SLC2A13: variants seen among roughly 807,000 people sequenced by gnomAD.
The protein encoded by SLC2A13 is solute carrier family 2 member 13.
SLC2A13 carries 32 observed loss-of-function variants against 64.4 expected under a neutral mutation model. That is an observed-to-expected ratio of 0.50 (90% CI 0.37 to 0.67). The LOEUF is 0.67. Ranked by LOEUF, SLC2A13 falls within the 30% of genes least tolerant of loss-of-function variation. The pLI is 0.00. For missense variants in SLC2A13, 743 were observed against 829.2 expected (o/e 0.90, Z 1.28); for synonymous variants, 338 against 327.1 (o/e 1.03, Z -0.36).
chr12:40,056,449 C>T (rs565905509), intron 1 of SLC2A13, among the ~76,000 whole-genome samples: 32 of 152,230 alleles, frequency 2.1e-4, no homozygotes, highest in Admixed American at 5.2e-4. Flanking sequence ...GTATGAAGTG[C>T]TACATAAGCA....
chr12:40,100,016 T>C lies in SLC2A13; in HGVS notation c.556+5237A>G, dbSNP rs190033630. Among the ~76,000 whole-genome samples, 28 of 152,350 alleles carry C rather than the reference T, an allele frequency of 1.8e-4. No individual in the cohort carries two copies. In the East Asian group the frequency reaches 2.9e-3, roughly 16 times the overall value. On this transcript the variant is annotated intron_variant, in intron 1 of 9. Transcript: ENST00000280871. ...CCTTAAATGACATTCTTTGTTGACA[T>C]TGATCTCAACATTGCATTTTTTTGA...
intron 4 of SLC2A13, among the ~76,000 whole-genome samples, chr12:39,939,395 A>C (rs1481946989): frequency 6.6e-6 from 1 of 152,186 alleles, no homozygotes; most frequent in African/African-American, 2.4e-5. Flanking sequence ...GTTTGCTAGG[A>C]TAGTGAGTTA....
At position 40,093,895 on chromosome 12, in the gene SLC2A13, C is replaced by A. The variant is rs1938847666; in HGVS notation, c.556+11358G>T. On this transcript the variant is annotated intron_variant, in intron 1 of 9. Coordinates refer to ENST00000280871, the MANE Select transcript of SLC2A13 (RefSeq NM_052885.4). ...TGGGGAGCTAATCAGGGGCTTTGGG[C>A]AGAGAAGTGGCATAGTCTGATTTAT... Among the ~76,000 whole-genome samples, 5 of 152,074 alleles carry A rather than the reference C, an allele frequency of 3.3e-5. No homozygotes were observed. The South Asian group carries it at 1.0e-3, about 32-fold the overall frequency.
At chr12:39,931,429 C>A (rs1299028851) in intron 4 of SLC2A13, among the ~76,000 whole-genome samples, 1 of 152,218 alleles carries the variant, frequency 6.6e-6, no homozygotes, top group Non-Finnish European at 1.5e-5. Context: ...CCAGCAGTGG[C>A]TGGCACCTAC....
intron 7 of SLC2A13, among the ~76,000 whole-genome samples, chr12:39,803,414 C>G (rs999458213): frequency 6.6e-6 from 1 of 151,886 alleles, no homozygotes; most frequent in Non-Finnish European, 1.5e-5. Context: ...AACTTTAGAC[C>G]ATAAAACTAT....
At chr12:39,987,340 T>C (rs1947049036) in intron 3 of SLC2A13, among the ~76,000 whole-genome samples, 1 of 152,196 alleles carries the variant, frequency 6.6e-6, no homozygotes. Context: ...CACTGCTGAT[T>C]CCCAAATTCA....
intron 9 of SLC2A13, among the ~76,000 whole-genome samples, chr12:39,764,136 T>TTG (rs1555233119): frequency 1.4e-4 from 21 of 152,010 alleles, no homozygotes; most frequent in African/African-American, 5.1e-4. Flanking sequence ...TGTTTTTTTT[T>TTG]TTTGTTTGTT....
chr12:39,988,527 A>C (rs893282307), intron 3 of SLC2A13, among the ~76,000 whole-genome samples: 1 of 151,266 alleles, frequency 6.6e-6, no homozygotes, highest in Non-Finnish European at 1.5e-5. Context: ...CGAAAGAAAG[A>C]AAGAAGAAAG....
At chr12:40,070,037 A>G (rs1327259647) in intron 1 of SLC2A13, among the ~76,000 whole-genome samples, 1 of 152,174 alleles carries the variant, frequency 6.6e-6, no homozygotes, top group Non-Finnish European at 1.5e-5. Flanking sequence ...GAATGCAATA[A>G]GTATATTCCC....
At chr12:39,908,003 A>G (rs1302400424) in intron 4 of SLC2A13, 1 of 151,634 alleles carries the variant, frequency 6.6e-6, no homozygotes, top group African/African-American at 2.4e-5. Context: ...CTTCTCAGGG[A>G]TGCAAAATTC....
chr12:40,036,517 C>T (rs1947987590), intron 2 of SLC2A13, among the ~76,000 whole-genome samples: 1 of 152,114 alleles, frequency 6.6e-6, no homozygotes, highest in South Asian at 2.1e-4. Flanking sequence ...AATTTCTGAC[C>T]CCATTGCACA....
At chr12:39,924,092 T>A (rs1034442885) in intron 4 of SLC2A13, among the ~76,000 whole-genome samples, 9 of 152,128 alleles carry the variant, frequency 5.9e-5, no homozygotes, top group Non-Finnish European at 1.2e-4. Flanking sequence ...TTAAAATAAT[T>A]TTCTTTCATT....
At chr12:39,916,417 C>G (rs1304963548) in intron 4 of SLC2A13, among the ~76,000 whole-genome samples, 2 of 152,018 alleles carry the variant, frequency 1.3e-5, no homozygotes, top group Non-Finnish European at 2.9e-5. Flanking sequence ...AGAGTCAAAA[C>G]TAATTTCCTT....
At chr12:40,097,861 C>T (rs1045223763) in intron 1 of SLC2A13, among the ~76,000 whole-genome samples, 18 of 152,050 alleles carry the variant, frequency 1.2e-4, no homozygotes, top group African/African-American at 4.3e-4. Flanking sequence ...GTCCAGCAAT[C>T]TCAATTCTGG....
chr12:39,892,669 T>C (rs1246351260), intron 4 of SLC2A13, among the ~76,000 whole-genome samples: 1 of 152,174 alleles, frequency 6.6e-6, no homozygotes, highest in African/African-American at 2.4e-5. Flanking sequence ...TTAATAAATA[T>C]AAATAGTAGC....
Position 39,784,679 on chromosome 12 carries a change from A to G in SLC2A13, c.1446-19821T>C, listed in dbSNP as rs1009363921. Among the ~76,000 whole-genome samples the G allele has an allele frequency of 2.0e-5, 3 of 152,244 alleles. No homozygotes were observed. The East Asian group carries it at 5.8e-4, about 29-fold the overall frequency. On this transcript the variant is annotated intron_variant, in intron 7 of 9. Coordinates refer to ENST00000280871, the MANE Select transcript of SLC2A13 (RefSeq NM_052885.4). ...CATAGGCATGGGCAAGGACTTCATG[A>G]CTAAAACACCAAAAGCAATGGCAAC... is the stretch of plus-strand genomic sequence containing the variant.
intron 4 of SLC2A13, among the ~76,000 whole-genome samples, chr12:39,887,196 TC>T (rs1178264487): frequency 6.6e-6 from 1 of 152,246 alleles, no homozygotes; most frequent in Non-Finnish European, 1.5e-5. Flanking sequence ...AAGTCTTTTG[TC>T]TAGTTTAGCA....
chr12:40,076,611 CAT>C (rs1178149264), intron 1 of SLC2A13, among the ~76,000 whole-genome samples: 1 of 152,126 alleles, frequency 6.6e-6, no homozygotes, highest in Non-Finnish European at 1.5e-5. Flanking sequence ...CTGTGATGAA[CAT>C]ATGTTTGCAT....
In SLC2A13 at chr12:40,105,148, C is replaced by T. The variant is rs1939264019; in HGVS notation, c.556+105G>A. The T allele has an allele frequency of 7.1e-7, 1 of 1,416,920 alleles. No individual in the cohort carries two copies. Among genetic ancestry groups the T allele is most frequent in the Non-Finnish European group, 9.2e-7 (1 of 1,092,408 alleles). The allele number at this position is 1,416,920 out of a possible 1,614,324, so 87.8% of individuals were successfully genotyped here. A position where few individuals can be genotyped will look rare whatever the true frequency, so the allele number is the denominator to read the frequency against. The stretch of plus-strand genomic sequence containing the variant: ...CAGAGAAGTGGAGGATTCTCTGACC[C>T]TGGGAGACCAGACGGGGACCCCGAT... On this transcript the variant is annotated intron_variant, in intron 1 of 9. Coordinates refer to ENST00000280871, the MANE Select transcript of SLC2A13 (RefSeq NM_052885.4). The surrounding 1 kb of genome is among the most constrained non-coding windows in gnomAD (Gnocchi z 4.2).
Sources: gnomAD v4.1 joint callset for allele counts (sites outside exome capture counted in the v4.1 genomes callset) on GRCh38, gnomAD v4.1.1 for gene constraint, Gnocchi (gnomAD v3.1) non-coding constraint, MANE v1.5 for transcripts, NCBI Gene and HGNC (gene_info 2026-07-23, HGNC 2026-07-21) for gene names.